The following VDAC3 variants were observed in gnomAD, a reference collection of about 807,000 sequenced individuals.
VDAC3 encodes the protein voltage dependent anion channel 3.
A neutral mutation model predicts 33.9 loss-of-function variants in VDAC3; 7 were observed. The observed-to-expected ratio is 0.21, with a 90% CI of 0.12 to 0.39. VDAC3 has a LOEUF of 0.39. Ranked by LOEUF, VDAC3 falls within the 10% of genes least tolerant of loss-of-function variation. VDAC3 has a pLI of 1.00. For synonymous variants in VDAC3, 100 were observed against 122.4 expected (o/e 0.82, Z 1.21); for missense variants, 261 against 334.5 (o/e 0.78, Z 1.71).
intron 6 of VDAC3, among the ~76,000 whole-genome samples, chr8:42,400,775 C>T (rs1209836034): frequency 1.4e-5 from 2 of 146,666 alleles, no homozygotes; most frequent in African/African-American, 2.5e-5. Context: ...AAGCAATTCT[C>T]CTGCCTCAGC....
At chr8:42,392,576 C>T (rs2130884474) in intron 1 of VDAC3, among the ~76,000 whole-genome samples, 1 of 152,266 alleles carries the variant, frequency 6.6e-6, no homozygotes, top group African/African-American at 2.4e-5. Flanking sequence ...AGTCATAGGC[C>T]TGAAAAAGTC....
chr8:42,395,744 G>A (rs1938503551), intron 4 of VDAC3, among the ~76,000 whole-genome samples: 1 of 152,018 alleles, frequency 6.6e-6, no homozygotes, highest in Non-Finnish European at 1.5e-5. Flanking sequence ...CGGGTCATGA[G>A]GTCAGGAGTT....
At chr8:42,404,529 C>T (rs1218391096) in intron 8 of VDAC3, among the ~76,000 whole-genome samples, 1 of 152,046 alleles carries the variant, frequency 6.6e-6, no homozygotes, top group Non-Finnish European at 1.5e-5. Context: ...TTGAGACCAG[C>T]CTGGCCAACA....
intron 1 of VDAC3, among the ~76,000 whole-genome samples, chr8:42,392,856 A>T (rs1277901740): frequency 2.6e-5 from 4 of 152,228 alleles, no homozygotes; most frequent in African/African-American, 9.6e-5. Context: ...ACTTCTGGCA[A>T]AATTTCAACA....
intron 5 of VDAC3, among the ~76,000 whole-genome samples, chr8:42,399,231 A>G (rs1802373452): frequency 6.6e-6 from 1 of 152,208 alleles, no homozygotes. Flanking sequence ...AGATATAGTC[A>G]AGTGCCCACT....
intron 6 of VDAC3, 125 bp downstream of exon 6, chr8:42,399,828 A>G: frequency 2.5e-6 from 2 of 802,156 alleles, no homozygotes; most frequent in South Asian, 1.8e-5. Context: ...TATAAGGAAT[A>G]TTGGAGACCT....
chr8:42,396,748 G>A (rs1048486909), intron 4 of VDAC3: 16 of 662,586 alleles, frequency 2.4e-5, no homozygotes, highest in Admixed American at 8.0e-5. Flanking sequence ...ATTGATTTAG[G>A]ATAAATTTCA....
At position 42,394,233 on chromosome 8, in the gene VDAC3, T is replaced by G; in HGVS notation, c.22T>G (p.Cys8Gly). 3.7e-6 allele frequency: 6 copies of G among 1,613,842 alleles called. No homozygotes were observed. Among genetic ancestry groups the G allele is most frequent in the Non-Finnish European group, 5.1e-6 (6 of 1,179,794 alleles). The change falls in exon 3 of 10, where the codon TGT becomes GGT. Residue 8 changes from cysteine to glycine, a missense_variant. Physicochemically the swap from Cys to Gly is radical, Grantham distance 159. Transcript: ENST00000022615. ...AGATATGTGTAACACACCAACGTAC[T>G]GTGACCTAGGAAAGGCTGCTAAGGA... MCNTPTY[C>G]DLGKAAKDVF...
At position 42,401,897 on chromosome 8, in the gene VDAC3, G is replaced by T; in HGVS notation, c.433G>T (p.Ala145Ser). The T allele has an allele frequency of 6.2e-7, 1 of 1,614,206 alleles. No individual in the cohort carries two copies. The highest frequency in any genetic ancestry group is 8.5e-7 in the Non-Finnish European group (1 of 1,180,050). The change falls in exon 7 of 10, where the codon GCC (alanine) becomes TCC (serine). Residue 145 changes from alanine to serine, a missense_variant. Physicochemically the swap from Ala to Ser is moderately conservative, Grantham distance 99. Coordinates refer to ENST00000022615, the MANE Select transcript of VDAC3 (RefSeq NM_005662.7). Reference protein sequence around the residue: ...GPTIYGWAVLAFEGWLAGYQM... With the variant: ...GPTIYGWAVLSFEGWLAGYQM... ...AACCATCTATGGCTGGGCTGTGTTG[G>T]CCTTCGAAGGGTGGCTTGCTGGCTA...
chr8:42,405,044 T>C (rs1347326402), intron 9 of VDAC3, 120 bp downstream of exon 9: 1 of 921,390 alleles, frequency 1.1e-6, no homozygotes, highest in Non-Finnish European at 1.7e-6. Context: ...TTGTAACATT[T>C]GGTTGTTCAG....
intron 9 of VDAC3, among the ~76,000 whole-genome samples, 190 bp downstream of exon 9, chr8:42,405,114 A>T (rs1045210991): frequency 2.6e-5 from 4 of 152,370 alleles, no homozygotes; most frequent in African/African-American, 9.6e-5. Context: ...TCTGACTATA[A>T]TGTGGTCACT....
At chr8:42,402,844 G>A (rs1190042479) in intron 7 of VDAC3, among the ~76,000 whole-genome samples, 3 of 152,162 alleles carry the variant, frequency 2.0e-5, no homozygotes, top group Non-Finnish European at 2.9e-5. Context: ...TTCTGGAGCA[G>A]TGCACCCTAG....
At chr8:42,401,745 A>G (rs758607897) in intron 6 of VDAC3, 43 bp from the exon 7 acceptor site, 1 of 1,579,566 alleles carries the variant, frequency 6.3e-7, no homozygotes, top group South Asian at 1.1e-5. Flanking sequence ...GTAAGAACTC[A>G]TGTTGTTTTC....
intron 7 of VDAC3, chr8:42,403,026 C>T (rs1380239211): frequency 1.9e-5 from 7 of 376,890 alleles, no homozygotes; most frequent in Admixed American, 4.4e-5. Flanking sequence ...TATACTTACC[C>T]GAGGTGTCTG....
At chr8:42,394,548 A>T (rs1222230613) in intron 3 of VDAC3, among the ~76,000 whole-genome samples, 2 of 152,328 alleles carry the variant, frequency 1.3e-5, no homozygotes, top group East Asian at 3.9e-4. Flanking sequence ...TATAACATTT[A>T]TGTCTCTTTG....
chr8:42,399,522 T>C, intron 5 of VDAC3, 129 bp from the exon 6 acceptor site: 1 of 719,756 alleles, frequency 1.4e-6, no homozygotes, highest in Non-Finnish European at 2.2e-6. Flanking sequence ...ATTACATAAT[T>C]TAATATTTTG....
intron 4 of VDAC3, among the ~76,000 whole-genome samples, chr8:42,397,964 T>A (rs530379101): frequency 0.019 from 2,906 of 152,122 alleles, 60 homozygotes; most frequent in East Asian, 0.024. Flanking sequence ...AAAAAAAACA[T>A]TTTTAAAAGG....
chr8:42,396,071 T>C (rs1041245871), intron 4 of VDAC3, among the ~76,000 whole-genome samples: 15 of 150,998 alleles, frequency 9.9e-5, no homozygotes, highest in East Asian at 3.9e-4. Flanking sequence ...TCCTGGCTAA[T>C]ATGGTGAAAC....
At chr8:42,404,270 G>A (rs1046642460) in intron 8 of VDAC3, among the ~76,000 whole-genome samples, 1 of 152,124 alleles carries the variant, frequency 6.6e-6, no homozygotes, top group Non-Finnish European at 1.5e-5. Flanking sequence ...CTGTTTTTCT[G>A]TCACCCAAGT....
Sources: allele counts gnomAD v4.1 joint callset (sites outside exome capture counted in the v4.1 genomes callset), GRCh38; gene constraint gnomAD v4.1.1; transcripts MANE v1.5; gene names NCBI Gene and HGNC (gene_info 2026-07-23, HGNC 2026-07-21).